Variants in VWA8 observed in about 807,000 individuals in gnomAD.
VWA8 encodes the protein von Willebrand factor A domain-containing protein 8.
VWA8 carries 221 observed loss-of-function variants against 241.5 expected under a neutral mutation model. That is an observed-to-expected ratio of 0.91 (90% CI 0.82 to 1.02). The LOEUF (loss-of-function observed/expected upper bound fraction) is 1.02. Among genes scored for constraint, VWA8 ranks in the 50% least tolerant of loss-of-function variants. The probability of loss-of-function intolerance (pLI) is 0.00; values close to 1 mark genes in which losing one functional copy is unlikely to be tolerated. For missense variants in VWA8, 2,322 were observed against 2,328.7 expected, an observed-to-expected ratio of 1.00 and a Z score of 0.06; for synonymous variants, 852 against 827.1, an observed-to-expected ratio of 1.03 and a Z score of -0.52.
intron 13 of VWA8, 28 bp downstream of exon 13, chr13:41,833,341 CTG>C: frequency 6.3e-7 from 1 of 1,581,174 alleles, no homozygotes; most frequent in Non-Finnish European, 8.6e-7. Context: ...GGGTGTGTGT[CTG>C]TGTGTGATTT....
rs376271954 is a variant in VWA8 at position 41,932,185 on chromosome 13, A to AG, written c.241+17750_241+17751insC. ...ATAAGTGGATATTGTTAAAAAAAAA[A>AG]CACTTATGCTAATGTATTCCACAAC... On this transcript the variant is annotated intron_variant, in intron 2 of 44. Coordinates refer to ENST00000379310, the MANE Select transcript of VWA8 (RefSeq NM_015058.2). Among the ~76,000 whole-genome samples, 367 of 151,948 alleles carry AG rather than the reference A, an allele frequency of 2.4e-3. 1 individual carries two copies. Among genetic ancestry groups the AG allele is most frequent in the East Asian group, 0.012 (62 of 5,182 alleles).
intron 12 of VWA8, among the ~76,000 whole-genome samples, chr13:41,854,789 A>C (rs1872670691): frequency 6.6e-6 from 1 of 152,226 alleles, no homozygotes; most frequent in South Asian, 2.1e-4. Flanking sequence ...GGGAGTACAT[A>C]TAAATTAAAT....
intron 39 of VWA8, among the ~76,000 whole-genome samples, chr13:41,610,423 A>G (rs182727029): frequency 6.6e-6 from 1 of 152,212 alleles, no homozygotes; most frequent in African/African-American, 2.4e-5. Context: ...GTCAACAGTC[A>G]CCAGGGAAGC....
rs1204529416 is a variant in VWA8 at position 41,866,008 on chromosome 13, TG to T, written c.1240del (p.Gln414AsnfsTer12). ...KVPAGTRLLS[Q>X]PCASDRFIQT... ...TATGAAACGGTCTGACGCACAAGGT[TG>T]ACTTAATAGCCTGGTCCCGGCTGGC... On this transcript the variant is annotated frameshift_variant, in exon 11 of 45. Transcript: ENST00000379310. LOFTEE classifies it high-confidence loss of function. 1 of 1,614,166 alleles carries T rather than the reference TG, an allele frequency of 6.2e-7. No homozygotes were observed. The highest frequency in any genetic ancestry group is 1.7e-5 in the Admixed American group (1 of 60,022).
chr13:41,571,302 CTCTCCCTCCTCCCTCTCCCTCTCCCG>C (rs796991391), intron 43 of VWA8, among the ~76,000 whole-genome samples: 1 of 145,970 alleles, frequency 6.9e-6, no homozygotes, highest in African/African-American at 2.5e-5. Flanking sequence ...TCCCGTCTCC[CTCTCCCTCCTCCCTCTCCCTCTCCCG>C]TCTCCCTCTC....
chr13:41,689,964 G>A lies in VWA8; in HGVS notation c.3976+202C>T, dbSNP rs148004352. 7.5e-3 allele frequency among the ~76,000 whole-genome samples: 1,136 copies of A among 151,994 alleles called. 6 individuals carry two copies. Among genetic ancestry groups the A allele is most frequent in the Non-Finnish European group, 0.012 (832 of 67,958 alleles). On this transcript the variant is annotated intron_variant, in intron 33 of 44. Coordinates refer to ENST00000379310, the MANE Select transcript of VWA8 (RefSeq NM_015058.2). The stretch of plus-strand genomic sequence containing the variant: ...GATCTGTCAGTTAAAAAAATTCAAG[G>A]ACAGAGCTTACAACAGTGAACTTCC...
At chr13:41,744,152 T>C (rs1429780558) in intron 21 of VWA8, among the ~76,000 whole-genome samples, 2 of 152,226 alleles carry the variant, frequency 1.3e-5, no homozygotes, top group Non-Finnish European at 2.9e-5. Flanking sequence ...CAGAACTCCC[T>C]GTGAAGAGGC....
chr13:41,684,522 G>T (rs2045122051), intron 35 of VWA8, among the ~76,000 whole-genome samples: 1 of 152,112 alleles, frequency 6.6e-6, no homozygotes, highest in Non-Finnish European at 1.5e-5. Flanking sequence ...TTAGTTCTGT[G>T]TCAGAATATC....
chr13:41,833,519 G>T lies in VWA8; in HGVS notation c.1438C>A (p.Arg480Ser). ...PIMLYQDMTA[R>S]DLLQQRYTLP... ...GTGTATCTCTGCTGTAGCAGATCAC[G>T]CGCTGTCATATCCTAAAACAAATCC... The change falls in exon 13 of 45, where the codon CGT becomes AGT. Residue 480 changes from arginine (R) to serine (S), a missense_variant. Physicochemically the swap from Arg to Ser is moderately radical, Grantham distance 110 (BLOSUM62 -1). Coordinates refer to ENST00000379310, the MANE Select transcript of VWA8 (RefSeq NM_015058.2). The T allele has an allele frequency of 6.2e-7, 1 of 1,609,130 alleles. No individual in the cohort carries two copies. Among genetic ancestry groups the T allele is most frequent in the Non-Finnish European group, 8.5e-7 (1 of 1,178,146 alleles).
At chr13:41,677,219 T>C (rs1235727891) in intron 35 of VWA8, among the ~76,000 whole-genome samples, 1 of 151,962 alleles carries the variant, frequency 6.6e-6, no homozygotes, top group African/African-American at 2.4e-5. Context: ...AGATAAGGGG[T>C]CCAGAGCCCT....
intron 14 of VWA8, among the ~76,000 whole-genome samples, chr13:41,824,815 G>A (rs1231402625): frequency 2.3e-5 from 3 of 130,036 alleles, no homozygotes; most frequent in African/African-American, 5.6e-5. Flanking sequence ...AGACCCTATC[G>A]AAAAGAAAAA....
chr13:41,856,962 G>A (rs1376180167), intron 12 of VWA8, among the ~76,000 whole-genome samples: 1 of 151,928 alleles, frequency 6.6e-6, no homozygotes, highest in Non-Finnish European at 1.5e-5. Flanking sequence ...ATAATAGACA[G>A]GTGTTTTACT....
intron 15 of VWA8, among the ~76,000 whole-genome samples, chr13:41,818,025 T>C (rs1445231813): frequency 6.6e-6 from 1 of 151,236 alleles, no homozygotes; most frequent in Admixed American, 6.6e-5. Flanking sequence ...TGCAGTGGTG[T>C]GATCTCGGCT....
intron 26 of VWA8, among the ~76,000 whole-genome samples, chr13:41,704,641 T>G (rs569342850): frequency 3.3e-5 from 5 of 152,122 alleles, no homozygotes; most frequent in African/African-American, 1.2e-4. Flanking sequence ...TTTTTATTTT[T>G]TATTTTTAGT....
At chr13:41,725,578 C>T (rs986281715) in intron 24 of VWA8, among the ~76,000 whole-genome samples, 5 of 151,882 alleles carry the variant, frequency 3.3e-5, no homozygotes, top group Non-Finnish European at 5.9e-5. Flanking sequence ...AGAATGAAAG[C>T]GAGTAAAGGG....
chr13:41,778,832 CTTTTTT>C (rs71096543), intron 19 of VWA8, among the ~76,000 whole-genome samples: 14 of 82,644 alleles, frequency 1.7e-4, no homozygotes, highest in South Asian at 4.1e-4. Context: ...CAGTACGTCA[CTTTTTT>C]TTTTTTTTTT....
intron 3 of VWA8, among the ~76,000 whole-genome samples, chr13:41,911,201 T>C (rs1875979772): frequency 1.3e-5 from 2 of 151,840 alleles, no homozygotes; most frequent in South Asian, 4.1e-4. Context: ...GTAGCTGGGA[T>C]CACAGGCGCC....
chr13:41,910,789 T>C (rs1875958412), intron 3 of VWA8, among the ~76,000 whole-genome samples: 1 of 152,138 alleles, frequency 6.6e-6, no homozygotes, highest in Non-Finnish European at 1.5e-5. Context: ...CTCTGATTTA[T>C]TCATGTATTT....
intron 34 of VWA8, among the ~76,000 whole-genome samples, chr13:41,688,247 C>T (rs1489986160): frequency 1.5e-3 from 223 of 152,028 alleles, no homozygotes; most frequent in African/African-American, 5.1e-3. Flanking sequence ...CCTGAAGTAC[C>T]CAGCATTCAT....
Sources: allele counts gnomAD v4.1 joint callset (sites outside exome capture counted in the v4.1 genomes callset), GRCh38; gene constraint gnomAD v4.1.1; transcripts MANE v1.5; gene names NCBI Gene and HGNC (gene_info 2026-07-23, HGNC 2026-07-21).